The following TIAM2 variants were observed in gnomAD, a reference collection of about 807,000 sequenced individuals.
TIAM2 encodes the protein TIAM Rac1 associated GEF 2.
TIAM2 carries 80 observed loss-of-function variants against 152.9 expected under a neutral mutation model. That is an observed-to-expected ratio of 0.52 (90% CI 0.44 to 0.63). The LOEUF (loss-of-function observed/expected upper bound fraction) is 0.63, where lower values mean the gene tolerates loss of function less well. TIAM2 is among the 30% of genes least tolerant of loss of function. The pLI is 0.00. For missense variants in TIAM2, 1,965 were observed against 2,120.1 expected (o/e 0.93, Z 1.44); for synonymous variants, 804 against 838.0 (o/e 0.96, Z 0.70).
intron 1 of TIAM2, among the ~76,000 whole-genome samples, chr6:155,044,763 G>C (rs1173214204): frequency 6.6e-6 from 1 of 151,844 alleles, no homozygotes; most frequent in Non-Finnish European, 1.5e-5. Flanking sequence ...TGTGAGCCGA[G>C]ATTGCACCAC....
rs116057776 is a variant in TIAM2, at chr6:155,248,502, C to T, written c.3832+323C>T. ...CAGGTCACGTGGCTGTGAAACAGTG[C>T]CGCTGGAACTGAAAATCAGGCCTAT... On this transcript the variant is annotated intron_variant, in intron 20 of 26. Coordinates refer to ENST00000682666, the MANE Select transcript of TIAM2 (RefSeq NM_012454.4). Among the ~76,000 whole-genome samples the T allele has an allele frequency of 3.1e-3, 465 of 152,306 alleles. 4 individuals carry two copies. The highest frequency in any genetic ancestry group is 0.01 in the African/African-American group (426 of 41,568).
chr6:155,210,940 G>A (rs563519950), intron 14 of TIAM2, among the ~76,000 whole-genome samples: 13 of 152,268 alleles, frequency 8.5e-5, no homozygotes, highest in African/African-American at 3.1e-4. Flanking sequence ...AACGAGAAGA[G>A]TGACAAGGTA....
chr6:155,225,208 G>A (rs1011543615), intron 15 of TIAM2, among the ~76,000 whole-genome samples: 13 of 152,026 alleles, frequency 8.6e-5, no homozygotes, highest in African/African-American at 3.1e-4. Flanking sequence ...CACCCACCTC[G>A]GCCTCCCAAA....
At chr6:155,029,466 ATATAC>A (rs1166160084) in intron 1 of TIAM2, among the ~76,000 whole-genome samples, 7 of 51,246 alleles carry the variant, frequency 1.4e-4, no homozygotes, top group African/African-American at 4.7e-4. Context: ...TATATATAAT[ATATAC>A]TATAGTATAT....
At position 155,129,364 on chromosome 6, in the gene TIAM2, T is replaced by C. The variant is rs775732732; in HGVS notation, c.141T>C (p.Gly47=). The change falls in exon 4 of 27, where the codon GGT becomes GGC. Residue 47 remains glycine, a synonymous_variant. Transcript: ENST00000682666. This position sits in a 1 kb window ranked among gnomAD's most constrained non-coding sequence, Gnocchi z 4.8. ...AGGAAAAGTCATTGCATGGATGGGG[T>C]CACGGAAGCAACGGAGCAGGTTACA... The part of the protein sequence containing the change: ...AKEEKSLHGW[G]HGSNGAGYKS... 1.1e-5 allele frequency: 18 copies of C among 1,613,892 alleles called. No homozygotes were observed. Among genetic ancestry groups the C allele is most frequent in the Middle Eastern group, 1.6e-4 (1 of 6,084 alleles).
intron 23 of TIAM2, 45 bp downstream of exon 23, chr6:155,252,048 G>T (rs1783695025): frequency 6.8e-7 from 1 of 1,473,790 alleles, no homozygotes; most frequent in Non-Finnish European, 9.4e-7. Context: ...TTTCATAGCT[G>T]TATCTTCCTA....
intron 15 of TIAM2, among the ~76,000 whole-genome samples, chr6:155,217,420 A>T (rs932733633): frequency 1.3e-5 from 2 of 152,238 alleles, no homozygotes; most frequent in Admixed American, 6.5e-5. Context: ...GGCCTAGGCA[A>T]ATATTTACTC....
At chr6:155,113,430 T>G (rs1341133955) in intron 2 of TIAM2, among the ~76,000 whole-genome samples, 4 of 152,032 alleles carry the variant, frequency 2.6e-5, no homozygotes, top group African/African-American at 4.8e-5. Context: ...AAAAGAAAAT[T>G]TATTTTTCGG....
In TIAM2 at chr6:155,226,926, T is replaced by C. The variant is rs543895083; in HGVS notation, c.3169-13604T>C. Among the ~76,000 whole-genome samples the C allele has an allele frequency of 2.0e-5, 3 of 152,302 alleles. No homozygotes were observed. In the South Asian group the frequency reaches 6.2e-4, roughly 32 times the overall value. On this transcript the variant is annotated intron_variant, in intron 15 of 26. Coordinates refer to ENST00000682666, the MANE Select transcript of TIAM2 (RefSeq NM_012454.4). ...GCCCCTGTCTCTGTTGCTGAGTTGC[T>C]GTCACCTTGAGTTGGCTCTGACTGT... is the stretch of plus-strand genomic sequence containing the variant.
In TIAM2 at chr6:155,120,396, A is replaced by G. The variant is rs556666810; in HGVS notation, c.-117-7094A>G. ...ATTACTCTTCCTAAGCATTATTCCT[A>G]TGGGGACCAGATGTTCCTTTTGCCT... is the stretch of plus-strand genomic sequence containing the variant. On this transcript the variant is annotated intron_variant, in intron 2 of 26. Coordinates refer to ENST00000682666, the MANE Select transcript of TIAM2 (RefSeq NM_012454.4). 1.2e-4 allele frequency among the ~76,000 whole-genome samples: 19 copies of G among 152,276 alleles called. No homozygotes were observed. The South Asian group carries it at 3.7e-3, about 30-fold the overall frequency.
intron 15 of TIAM2, among the ~76,000 whole-genome samples, chr6:155,221,137 A>C (rs117714206): frequency 0.085 from 12,197 of 143,918 alleles, 512 homozygotes; most frequent in South Asian, 0.12. Flanking sequence ...AAAAAAAAAA[A>C]AACAAAAAAA....
At chr6:155,091,134 C>A (rs11968633) in intron 2 of TIAM2, among the ~76,000 whole-genome samples, 4,748 of 152,198 alleles carry the variant, frequency 0.031, 247 homozygotes, top group African/African-American at 0.11. Context: ...TTGCTTCATG[C>A]TTTTTGGGTT....
rs1223822242 is a variant in TIAM2 at position 155,156,279 on chromosome 6, C to G, written c.2028+7945C>G. On this transcript the variant is annotated intron_variant, in intron 7 of 26. Coordinates refer to ENST00000682666, the MANE Select transcript of TIAM2 (RefSeq NM_012454.4). This position sits in a 1 kb window ranked among gnomAD's most constrained non-coding sequence, Gnocchi z 4.4. ...GTAGGACTGTCTGTCACTCTCTCCT[C>G]CCGGTACCACTGCAGAAGCCTCCGG... 3.3e-5 allele frequency among the ~76,000 whole-genome samples: 5 copies of G among 152,122 alleles called. No individual in the cohort carries two copies. The highest frequency in any genetic ancestry group is 7.4e-5 in the Non-Finnish European group (5 of 68,022).
intron 14 of TIAM2, among the ~76,000 whole-genome samples, chr6:155,187,348 C>T (rs1446253447): frequency 1.3e-5 from 2 of 152,038 alleles, no homozygotes; most frequent in African/African-American, 4.8e-5. Context: ...TAGGGGGTTG[C>T]TTGTGGGTTG....
chr6:155,068,598 A>ACCC (rs1554228057), intron 1 of TIAM2, among the ~76,000 whole-genome samples: 3 of 116,388 alleles, frequency 2.6e-5, no homozygotes, highest in Non-Finnish European at 6.2e-5. Context: ...GATTACAGGC[A>ACCC]CCCGCCCCCC....
intron 7 of TIAM2, among the ~76,000 whole-genome samples, chr6:155,158,427 T>G (rs1013446526): frequency 6.6e-6 from 1 of 152,250 alleles, no homozygotes. Context: ...TTGTTATTAG[T>G]AACTTCCTTT....
In TIAM2 at chr6:155,137,368, C is replaced by T; in HGVS notation, c.1386C>T (p.Phe462=). The part of the protein sequence containing the change: ...DPLRQNIYEN[F]MRELEMSRTN... ...TCCGGCAGAACATTTATGAGAATTT[C>T]ATGCGAGAGTTGGAAATGAGCAGGA... Residue 462 remains phenylalanine, a synonymous_variant, in exon 5 of 27, where the codon TTC becomes TTT. Transcript: ENST00000682666. 6.2e-7 allele frequency: 1 copy of T among 1,614,232 alleles called. No individual in the cohort carries two copies. The highest frequency in any genetic ancestry group is 8.5e-7 in the Non-Finnish European group (1 of 1,180,040).
Position 155,183,249 on chromosome 6 carries a change from G to A in TIAM2, c.2813G>A (p.Gly938Asp), listed in dbSNP as rs200307229. The A allele has an allele frequency of 2.1e-4, 341 of 1,613,882 alleles. No individual in the cohort carries two copies. The highest frequency in any genetic ancestry group is 1.6e-4 in the Non-Finnish European group (184 of 1,179,858). The stretch of plus-strand genomic sequence containing the variant: ...TCCTTTTTCTCAGGGCTGAGAAAGG[G>A]CAATGAGATCATGACCTTAAATGGG... ...GLAYGEGLRKGNEIMTLNGEA... is the reference protein window; with the variant it reads ...GLAYGEGLRKDNEIMTLNGEA... The change falls in exon 14 of 27, where the codon GGC (glycine) becomes GAC (aspartate). Residue 938 changes from glycine to aspartate, a missense_variant. Transcript: ENST00000682666.
At chr6:155,236,419 T>G (rs1213021265) in intron 15 of TIAM2, among the ~76,000 whole-genome samples, 1 of 151,956 alleles carries the variant, frequency 6.6e-6, no homozygotes, top group African/African-American at 2.4e-5. Context: ...TCCCAGCACT[T>G]TGGGAGGCTG....
Sources: allele counts gnomAD v4.1 joint callset (sites outside exome capture counted in the v4.1 genomes callset), GRCh38; gene constraint gnomAD v4.1.1; non-coding constraint Gnocchi (gnomAD v3.1); transcripts MANE v1.5; gene names NCBI Gene and HGNC (gene_info 2026-07-23, HGNC 2026-07-21).